The following DNAH11 variants were observed in gnomAD, a reference collection of about 807,000 sequenced individuals.
The protein encoded by DNAH11 is axonemal beta dynein heavy chain 11.
DNAH11 carries 442 observed loss-of-function variants against 526.0 expected under a neutral mutation model. That is an observed-to-expected ratio of 0.84 (90% confidence interval 0.78 to 0.91). The LOEUF is 0.91. Ranked by LOEUF, DNAH11 falls within the 40% of genes least tolerant of loss-of-function variation. The pLI, the probability that DNAH11 is intolerant of heterozygous loss-of-function variation, is 0.00. For synonymous variants in DNAH11, 2,461 were observed against 1,935.9 expected (o/e 1.27, Z -7.12); for missense variants, 6,989 against 5,448.7 (o/e 1.28, Z -8.90).
chr7:21,859,763 A>G (rs1414480429), intron 68 of DNAH11, among the ~76,000 whole-genome samples: 2 of 152,170 alleles, frequency 1.3e-5, no homozygotes, highest in African/African-American at 4.8e-5. Context: ...AGATATAGCA[A>G]TTCATACAAC....
At chr7:21,550,484 A>G (rs1047856073) in intron 2 of DNAH11, among the ~76,000 whole-genome samples, 1 of 152,190 alleles carries the variant, frequency 6.6e-6, no homozygotes, top group Non-Finnish European at 1.5e-5. Context: ...AATAACTTGT[A>G]GAGGGATAAT....
chr7:21,801,261 A>G lies in DNAH11; in HGVS notation c.10151A>G (p.Lys3384Arg). The change falls in exon 62 of 82, where the codon AAG becomes AGG. Residue 3384 changes from lysine to arginine, a missense_variant. Physicochemically the swap from Lys to Arg is conservative, Grantham distance 26. Coordinates refer to ENST00000409508, the MANE Select transcript of DNAH11 (RefSeq NM_001277115.2). ...ATCAAATTAGCTAACAGACTTGTCA[A>G]GGAACTTGAGGCAAGTTAAACCTTT... ...KTIKLANRLV[K>R]ELEAKKIRWG... is the part of the protein sequence containing the mutation. 3.7e-6 allele frequency: 6 copies of G among 1,613,922 alleles called. No individual in the cohort carries two copies. The highest frequency in any genetic ancestry group is 5.1e-6 in the Non-Finnish European group (6 of 1,179,860).
intron 37 of DNAH11, 43 bp downstream of exon 37, chr7:21,702,845 C>G (rs898814756): frequency 1.8e-5 from 27 of 1,538,052 alleles, no homozygotes; most frequent in Non-Finnish European, 2.3e-5. Context: ...AGTAGCTGGC[C>G]TGCTTCACAG....
intron 6 of DNAH11, among the ~76,000 whole-genome samples, chr7:21,564,873 A>T (rs1431112469): frequency 1.3e-5 from 2 of 151,830 alleles, no homozygotes; most frequent in African/African-American, 4.8e-5. Context: ...TTGTGTCTCT[A>T]TTCCTTACTC....
chr7:21,855,810 A>G (rs746472166), intron 68 of DNAH11, among the ~76,000 whole-genome samples: 1 of 152,166 alleles, frequency 6.6e-6, no homozygotes, highest in Non-Finnish European at 1.5e-5. Flanking sequence ...AGGTATATCT[A>G]TATGTAGATA....
rs6965750 is a variant in DNAH11 at position 21,784,504 on chromosome 7, G to A, written c.9561G>A (p.Leu3187=). 0.14 allele frequency: 225,754 copies of A among 1,612,302 alleles called. 16,565 individuals carry two copies. Among genetic ancestry groups the A allele is most frequent in the African/African-American group, 0.19 (14,422 of 74,932 alleles). Residue 3187 remains leucine (L), a synonymous_variant, in exon 58 of 82, where the codon CTG becomes CTA. Transcript: ENST00000409508. ...ACTTACTCAAGGCTGAGCCTGCACT[G>A]GTGGCTGCTACAGCTGCACTCAATA... ...EADLLKAEPA[L]VAATAALNTL... is the part of the protein sequence containing the mutation.
intron 44 of DNAH11, 115 bp from the exon 45 acceptor site, chr7:21,725,696 G>A: frequency 2.0e-6 from 2 of 1,014,774 alleles, no homozygotes; most frequent in Non-Finnish European, 2.9e-6. Flanking sequence ...TGCTTGATGG[G>A]TATATGGCAA....
chr7:21,712,557 CAGT>C (rs1452985800), intron 42 of DNAH11, among the ~76,000 whole-genome samples: 3 of 152,210 alleles, frequency 2.0e-5, no homozygotes, highest in African/African-American at 7.2e-5. Flanking sequence ...CTTTTTCTAA[CAGT>C]AGCCATGCTA....
At chr7:21,890,091 T>C (rs1784277167) in intron 76 of DNAH11, among the ~76,000 whole-genome samples, 1 of 152,212 alleles carries the variant, frequency 6.6e-6, no homozygotes, top group South Asian at 2.1e-4. Context: ...GCTGAGCTGT[T>C]TGCATACCTT....
intron 70 of DNAH11, among the ~76,000 whole-genome samples, chr7:21,865,345 T>G (rs1320984735): frequency 6.6e-6 from 1 of 152,234 alleles, no homozygotes; most frequent in Non-Finnish European, 1.5e-5. Context: ...GTATTTGTAA[T>G]TAGATTGTAA....
Position 21,852,586 on chromosome 7 carries a change from G to T in DNAH11, c.11016G>T (p.Glu3672Asp). 6.2e-7 allele frequency: 1 copy of T among 1,606,742 alleles called. No individual in the cohort carries two copies. Among genetic ancestry groups the T allele is most frequent in the Non-Finnish European group, 8.5e-7 (1 of 1,177,814 alleles). Residue 3672 changes from glutamate to aspartate, a missense_variant, in exon 67 of 82, where the codon GAG (glutamate) becomes GAT (aspartate). By Grantham distance (45) the Glu-to-Asp change is conservative (BLOSUM62 2). Transcript: ENST00000409508. ...TTCTGGATGACACCAAACTGGTAGA[G>T]AGATTGGAGGCAACAAAGACCACCG... Reference protein sequence around the residue: ...GSFLDDTKLVERLEATKTTVA... With the variant: ...GSFLDDTKLVDRLEATKTTVA...
intron 77 of DNAH11, 125 bp from the exon 78 acceptor site, chr7:21,894,498 C>G: frequency 1.0e-6 from 1 of 960,864 alleles, no homozygotes; most frequent in Non-Finnish European, 1.5e-6. Context: ...CCTTCACATG[C>G]ATTTGCAGGC....
chr7:21,815,064 C>G (rs530181323), intron 63 of DNAH11, among the ~76,000 whole-genome samples: 5 of 152,150 alleles, frequency 3.3e-5, no homozygotes, highest in Non-Finnish European at 7.4e-5. Flanking sequence ...ATTTCCCCTA[C>G]TGAGCAGGAA....
At position 21,633,204 on chromosome 7, in the gene DNAH11, A is replaced by G. The variant is rs146627467; in HGVS notation, c.4501-2667A>G. Among the ~76,000 whole-genome samples, 4 of 152,322 alleles carry G rather than the reference A, an allele frequency of 2.6e-5. 1 individual carries two copies. Among genetic ancestry groups the G allele is most frequent in the South Asian group, 4.1e-4 (2 of 4,832 alleles). On this transcript the variant is annotated intron_variant, in intron 25 of 81. Transcript: ENST00000409508. Reference sequence around the variant, plus strand: ...AATTCAAGATGAGATTTGGGTGGGGACACAGCCAAACCATATCACTGGCCT... The same window carrying G: ...AATTCAAGATGAGATTTGGGTGGGGGCACAGCCAAACCATATCACTGGCCT...
intron 20 of DNAH11, 39 bp from the exon 21 acceptor site, chr7:21,615,075 C>T (rs1166013976): frequency 6.4e-7 from 1 of 1,559,148 alleles, no homozygotes. Flanking sequence ...TTCTCTTTCT[C>T]TGGCAGTTTG....
At chr7:21,708,108 A>C (rs1244920422) in intron 40 of DNAH11, among the ~76,000 whole-genome samples, 1 of 152,232 alleles carries the variant, frequency 6.6e-6, no homozygotes, top group Non-Finnish European at 1.5e-5. Flanking sequence ...GAGTGAAGTC[A>C]ACATGAATGC....
intron 48 of DNAH11, 77 bp from the exon 49 acceptor site, chr7:21,741,850 G>A: frequency 6.6e-7 from 1 of 1,515,914 alleles, no homozygotes; most frequent in Non-Finnish European, 8.9e-7. Flanking sequence ...ACAGGGAGGA[G>A]TGAAAAAAAA....
Position 21,873,313 on chromosome 7 carries a change from A to G in DNAH11, c.12007A>G (p.Lys4003Glu). ...LVAKWLGTLE[K>E]LLERFSQGSH... ...AGCCAAGTGGCTAGGAACCTTGGAG[A>G]AGCTCCTTGAAAGATTCAGCCAAGG... The change falls in exon 74 of 82, where the codon AAG becomes GAG. Residue 4003 changes from lysine (K) to glutamate (E), a missense_variant. Physicochemically the swap from Lys to Glu is moderately conservative, Grantham distance 56 (BLOSUM62 1). Transcript: ENST00000409508. 6.2e-7 allele frequency: 1 copy of G among 1,606,752 alleles called. No homozygotes were observed. Among genetic ancestry groups the G allele is most frequent in the Non-Finnish European group, 8.5e-7 (1 of 1,176,304 alleles).
In DNAH11 at chr7:21,600,668, T is replaced by G; in HGVS notation, c.3001-8T>G. The G allele has an allele frequency of 2.5e-6, 4 of 1,587,650 alleles. No individual in the cohort carries two copies. The highest frequency in any genetic ancestry group is 3.4e-6 in the Non-Finnish European group (4 of 1,165,402). On this transcript the variant is annotated splice_region_variant and splice_polypyrimidine_tract_variant and intron_variant, in intron 15 of 81. Coordinates refer to ENST00000409508, the MANE Select transcript of DNAH11 (RefSeq NM_001277115.2). ...GAATAGTAAGTGCTGTGTTTTCCTC[T>G]CATTTAGAATGATATGGATAACATG...
Sources: gnomAD v4.1 joint callset for allele counts (sites outside exome capture counted in the v4.1 genomes callset) on GRCh38, gnomAD v4.1.1 for gene constraint, MANE v1.5 for transcripts, NCBI Gene and HGNC (gene_info 2026-07-23, HGNC 2026-07-21) for gene names.